Variants in KDM1A observed in about 807,000 individuals in gnomAD.
KDM1A encodes lysine demethylase 1A, also known as lysine-specific histone demethylase 1A.
KDM1A carries 49 observed loss-of-function variants against 109.4 expected under a neutral mutation model. The observed-to-expected ratio is 0.45, with a 90% CI of 0.36 to 0.57. The LOEUF (loss-of-function observed/expected upper bound fraction) is 0.57. KDM1A is among the 20% of genes least tolerant of loss of function. The pLI is 0.00. For missense variants in KDM1A, 668 were observed against 1,116.6 expected (o/e 0.60, Z 5.73); for synonymous variants, 380 against 415.4 (o/e 0.91, Z 1.04).
rs760062709 is a variant in KDM1A at position 23,057,516 on chromosome 1, C to T, written c.1023C>T (p.Arg341=). The T allele has an allele frequency of 6.2e-6, 10 of 1,613,746 alleles. No individual in the cohort carries two copies. The highest frequency in any genetic ancestry group is 8.5e-6 in the Non-Finnish European group (10 of 1,179,898). Residue 341 remains arginine, a synonymous_variant, in exon 8 of 21, where the codon CGC becomes CGT. Coordinates refer to ENST00000400181, the MANE Select transcript of KDM1A (RefSeq NM_001009999.3). ...DRVGGRVATF[R]KGNYVADLGA... is the part of the protein sequence containing the mutation. The stretch of plus-strand genomic sequence containing the variant: ...TGGGTGGACGAGTTGCCACATTTCG[C>T]AAAGGAAACTATGTAGCTGATCTTG...
chr1:23,026,080 C>A (rs547025253), intron 1 of KDM1A, among the ~76,000 whole-genome samples: 21 of 152,022 alleles, frequency 1.4e-4, no homozygotes, highest in African/African-American at 4.8e-4. Flanking sequence ...GACAGTGAGA[C>A]CCTGTCTTAA....
At chr1:23,054,348 A>T (rs1230470433) in intron 5 of KDM1A, among the ~76,000 whole-genome samples, 3 of 152,170 alleles carry the variant, frequency 2.0e-5, no homozygotes, top group Non-Finnish European at 2.9e-5. Flanking sequence ...TCTTGAGCCC[A>T]GGAGTTTGAG....
intron 2 of KDM1A, among the ~76,000 whole-genome samples, chr1:23,031,506 T>C (rs765483842): frequency 2.6e-5 from 4 of 152,208 alleles, no homozygotes; most frequent in Non-Finnish European, 2.9e-5. Context: ...ATCTGCTATA[T>C]CTTGCATGAC....
At chr1:23,076,672 T>C (rs535436234) in intron 15 of KDM1A, among the ~76,000 whole-genome samples, 2 of 152,200 alleles carry the variant, frequency 1.3e-5, no homozygotes, top group East Asian at 3.9e-4. Flanking sequence ...ACTGGAATGA[T>C]AAAAACTATC....
chr1:23,053,717 T>G (rs1467308320), intron 4 of KDM1A, 44 bp from the exon 5 acceptor site: 1 of 1,268,820 alleles, frequency 7.9e-7, no homozygotes, highest in Non-Finnish European at 1.2e-6. Context: ...TCAAATAACA[T>G]ATGTCTATTT....
chr1:23,019,526 C>CT lies in KDM1A; in HGVS notation c.-71_-70insT, dbSNP rs1641537819. On this transcript the variant is annotated 5_prime_UTR_variant, in exon 1 of 21. Transcript: ENST00000400181. ...GCGGGCAGCGTGAAGCGAGGCGAGG[C>CT]AAGGCTTTTCGGACCCACGGAGCGA... 1 of 1,329,010 alleles carries CT rather than the reference C, an allele frequency of 7.5e-7. No individual in the cohort carries two copies. The highest frequency in any genetic ancestry group is 3.1e-5 in the Admixed American group (1 of 32,122). The allele number at this position is 1,329,010 out of a possible 1,614,324, so 82.3% of individuals were successfully genotyped here.
In KDM1A at chr1:23,079,574, G is replaced by T; in HGVS notation, c.2077G>T (p.Val693Leu). 3 of 1,613,868 alleles carry T rather than the reference G, an allele frequency of 1.9e-6. No homozygotes were observed. Among genetic ancestry groups the T allele is most frequent in the Non-Finnish European group, 2.5e-6 (3 of 1,179,894 alleles). Residue 693 changes from valine (V) to leucine (L), a missense_variant, in exon 18 of 21, where the codon GTG (valine) becomes TTG (leucine). Around this residue, in one of 8 missense-constraint regions of KDM1A, gnomAD observed 162 missense variants for 376.4 expected, o/e 0.43. Coordinates refer to ENST00000400181, the MANE Select transcript of KDM1A (RefSeq NM_001009999.3). The surrounding 1 kb of genome is among the most constrained non-coding windows in gnomAD (Gnocchi z 5.6). ...GTAGGTGGTGTTGTGTTTTGATCGG[G>T]TGTTCTGGGATCCAAGTGTCAATTT... ...LNKVVLCFDR[V>L]FWDPSVNLFG... is the part of the protein sequence containing the mutation.
chr1:23,035,492 A>G (rs2124393146), intron 2 of KDM1A, among the ~76,000 whole-genome samples: 1 of 152,302 alleles, frequency 6.6e-6, no homozygotes, highest in South Asian at 2.1e-4. Flanking sequence ...GTGAGCCACC[A>G]TGCCCGGTCA....
chr1:23,053,176 A>G (rs1266432580), intron 4 of KDM1A, among the ~76,000 whole-genome samples: 8 of 152,136 alleles, frequency 5.3e-5, no homozygotes, highest in Non-Finnish European at 2.9e-5. Context: ...CCAGGTTTGA[A>G]TGCTAGTTGC....
At chr1:23,049,808 T>C (rs575613424) in intron 3 of KDM1A, among the ~76,000 whole-genome samples, 62 of 152,316 alleles carry the variant, frequency 4.1e-4, no homozygotes, top group African/African-American at 1.4e-3. Flanking sequence ...GCATTTCTAA[T>C]GTTTCTGCCA....
At chr1:23,080,839 C>T (rs1481514871) in intron 18 of KDM1A, 2 of 152,286 alleles carry the variant, frequency 1.3e-5, no homozygotes, top group Non-Finnish European at 2.9e-5. Flanking sequence ...TTAAATACCC[C>T]ATATTCTTTT....
At chr1:23,081,736 C>T in intron 19 of KDM1A, 163 bp downstream of exon 19, 1 of 788,362 alleles carries the variant, frequency 1.3e-6, no homozygotes, top group African/African-American at 1.7e-5. Flanking sequence ...GCGTGGGGTT[C>T]AGAAAACCCC....
intron 13 of KDM1A, 28 bp downstream of exon 13, chr1:23,071,387 T>C (rs1178204499): frequency 6.4e-7 from 1 of 1,564,886 alleles, no homozygotes; most frequent in Non-Finnish European, 8.6e-7. Context: ...GCCTAACTGG[T>C]TTTACTTGGA....
At chr1:23,059,785 A>G (rs527825611) in intron 9 of KDM1A, among the ~76,000 whole-genome samples, 1 of 152,200 alleles carries the variant, frequency 6.6e-6, no homozygotes, top group Non-Finnish European at 1.5e-5. Context: ...AAGTGAGTGA[A>G]ATTCAAAAGT....
chr1:23,077,589 G>A (rs1246576167), intron 16 of KDM1A, among the ~76,000 whole-genome samples: 2 of 152,188 alleles, frequency 1.3e-5, no homozygotes, highest in Non-Finnish European at 2.9e-5. Context: ...TTGTGCATGA[G>A]CTAGTTGGAT....
intron 3 of KDM1A, among the ~76,000 whole-genome samples, chr1:23,045,008 C>G (rs1324492394): frequency 6.6e-6 from 1 of 152,176 alleles, no homozygotes; most frequent in East Asian, 1.9e-4. Context: ...TCAGTTTAAA[C>G]ATTTTGTTTC....
intron 2 of KDM1A, among the ~76,000 whole-genome samples, chr1:23,034,351 T>G (rs142978241): frequency 3.5e-4 from 53 of 152,292 alleles, no homozygotes; most frequent in African/African-American, 1.1e-3. Context: ...CAGGTTGTCT[T>G]TGGAATTGAG....
chr1:23,053,939 CATATTTCCATGTT>C (rs1642748809), intron 5 of KDM1A, 100 bp downstream of exon 5: 1 of 695,758 alleles, frequency 1.4e-6, no homozygotes, highest in South Asian at 1.6e-5. Flanking sequence ...TTTTTTCATT[CATATTTCCATGTT>C]ATTTCACCTT....
chr1:23,036,661 CAG>C (rs1312664365), intron 2 of KDM1A, among the ~76,000 whole-genome samples: 1 of 151,984 alleles, frequency 6.6e-6, no homozygotes, highest in Non-Finnish European at 1.5e-5. Context: ...TCCCCACTCT[CAG>C]ATAATTTATA....
Sources: gnomAD v4.1 joint callset for allele counts (sites outside exome capture counted in the v4.1 genomes callset) on GRCh38, gnomAD v4.1.1 for gene constraint, gnomAD v4.1.1 regional missense constraint, Gnocchi (gnomAD v3.1) non-coding constraint, MANE v1.5 for transcripts, NCBI Gene and HGNC (gene_info 2026-07-23, HGNC 2026-07-21) for gene names.